The following RASSF3 variants were observed in gnomAD, a reference collection of about 807,000 sequenced individuals.
RASSF3 encodes ras association domain-containing protein 3.
RASSF3 carries 19 observed loss-of-function variants against 19.9 expected under a neutral mutation model. The observed-to-expected ratio is 0.96, with a 90% CI of 0.67 to 1.40. The LOEUF (loss-of-function observed/expected upper bound fraction) is 1.40. Among genes scored for constraint, RASSF3 ranks in the 40% most tolerant of loss-of-function variants. The probability of loss-of-function intolerance (pLI) is 0.00; values close to 1 mark genes in which losing one functional copy is unlikely to be tolerated. For synonymous variants in RASSF3, 110 were observed against 104.2 expected, an observed-to-expected ratio of 1.06 and a Z score of -0.34; for missense variants, 306 against 289.8, an observed-to-expected ratio of 1.06 and a Z score of -0.41.
At chr12:64,637,576 T>C (rs1202902334) in intron 1 of RASSF3, among the ~76,000 whole-genome samples, 1 of 151,750 alleles carries the variant, frequency 6.6e-6, no homozygotes, top group African/African-American at 2.4e-5. Context: ...ATGGCAGGCG[T>C]GTGCCACCAT....
chr12:64,551,324 C>CA (rs1355875345), intron 2 of RASSF3, among the ~76,000 whole-genome samples: 2 of 152,120 alleles, frequency 1.3e-5, no homozygotes, highest in African/African-American at 4.8e-5. Flanking sequence ...CCTGTAATCC[C>CA]AGCACTTTGG....
chr12:64,590,375 A>G (rs1869899473), intron 2 of RASSF3, among the ~76,000 whole-genome samples: 3 of 152,206 alleles, frequency 2.0e-5, no homozygotes, highest in South Asian at 4.1e-4. Context: ...AAAACATTCA[A>G]TAACCACTGT....
rs962552046 is a variant in RASSF3, at chr12:64,641,518, G to A, written c.111+30775G>A. 8.7e-5 allele frequency among the ~76,000 whole-genome samples: 13 copies of A among 149,958 alleles called. No homozygotes were observed. In the South Asian group the frequency reaches 2.8e-3, roughly 32 times the overall value. ...TTTGAGAAAGTAACTGACTCCAGCTGGGGGTGGTGGCTCATGCCTGTAATC... is the reference window on the plus strand; with the variant it reads ...TTTGAGAAAGTAACTGACTCCAGCTAGGGGTGGTGGCTCATGCCTGTAATC... On this transcript the variant is annotated intron_variant, in intron 1 of 4. Coordinates refer to ENST00000542104, the MANE Select transcript of RASSF3 (RefSeq NM_178169.4).
intron 1 of RASSF3, among the ~76,000 whole-genome samples, chr12:64,633,737 G>T (rs549297411): frequency 1.1e-4 from 16 of 152,174 alleles, no homozygotes; most frequent in Non-Finnish European, 2.4e-4. Flanking sequence ...TTGGCACTGG[G>T]TAATAGGCAG....
chr12:64,683,115 G>A (rs970051248), intron 1 of RASSF3, among the ~76,000 whole-genome samples: 42 of 152,152 alleles, frequency 2.8e-4, no homozygotes, highest in African/African-American at 9.4e-4. Flanking sequence ...CTCATTGTTG[G>A]GAGGATTAAA....
At chr12:64,507,621 A>G (rs1868299957) in intron 1 of RASSF3, 2 of 238,018 alleles carry the variant, frequency 8.4e-6, no homozygotes, top group Non-Finnish European at 1.6e-5. Context: ...AATGTTTAGT[A>G]TTTAAAAACA....
At chr12:64,569,901 AT>A (rs1294300611) in intron 2 of RASSF3, among the ~76,000 whole-genome samples, 1 of 152,138 alleles carries the variant, frequency 6.6e-6, no homozygotes, top group Admixed American at 6.5e-5. Flanking sequence ...GGAGGCGGAG[AT>A]TGCAGTGAGC....
downstream of RASSF3, among the ~76,000 whole-genome samples, chr12:64,543,432 CGCCCCCCCCG>C (rs1868981415): frequency 1.4e-5 from 1 of 71,976 alleles, no homozygotes; most frequent in Non-Finnish European, 2.7e-5. Flanking sequence ...GCTCCCCGCC[CGCCCCCCCCG>C]TGCCCGCCCG....
Position 64,660,704 on chromosome 12 carries a change from A to G in RASSF3, c.112-24083A>G, listed in dbSNP as rs566561397. On this transcript the variant is annotated intron_variant, in intron 1 of 4. Coordinates refer to ENST00000542104, the MANE Select transcript of RASSF3 (RefSeq NM_178169.4). Reference sequence around the variant, plus strand: ...AAATAATGTATACTCAATGCAGAAGACTTGGAAATTGGAAAAAATGGAGGA... The same window carrying G: ...AAATAATGTATACTCAATGCAGAAGGCTTGGAAATTGGAAAAAATGGAGGA... Among the ~76,000 whole-genome samples, 58 of 152,290 alleles carry G rather than the reference A, an allele frequency of 3.8e-4. 1 individual carries two copies. Among genetic ancestry groups the G allele is most frequent in the Admixed American group, 2.8e-3 (43 of 15,288 alleles).
chr12:64,673,464 C>T lies in RASSF3; in HGVS notation c.112-11323C>T, dbSNP rs143414007. On this transcript the variant is annotated intron_variant, in intron 1 of 4. Coordinates refer to ENST00000542104, the MANE Select transcript of RASSF3 (RefSeq NM_178169.4). ...TTGAAAACTTACTGTTGAAAGGGAC[C>T]GTAGTCCAGTGGCCTCTTTTAATAA... Among the ~76,000 whole-genome samples the T allele has an allele frequency of 4.7e-4, 71 of 152,194 alleles. No homozygotes were observed. In the East Asian group the frequency reaches 0.011, roughly 23 times the overall value.
At chr12:64,675,045 GCCCCCCC>G (rs1226885486) in intron 1 of RASSF3, among the ~76,000 whole-genome samples, 2 of 57,490 alleles carry the variant, frequency 3.5e-5, no homozygotes, top group Admixed American at 1.9e-4. Context: ...TACCCACCTA[GCCCCCCC>G]CCCCCCCGCC....
intron 1 of RASSF3, among the ~76,000 whole-genome samples, chr12:64,631,539 GTA>G (rs1415093881): frequency 9.0e-5 from 1 of 11,160 alleles, no homozygotes; most frequent in African/African-American, 1.4e-4. Flanking sequence ...CGTATGTAAT[GTA>G]TGTATGTATG....
chr12:64,520,505 A>T (rs1165197669), intron 1 of RASSF3, among the ~76,000 whole-genome samples: 4 of 140,380 alleles, frequency 2.8e-5, no homozygotes, highest in Middle Eastern at 3.4e-3. Flanking sequence ...TGTGTGTGTG[A>T]GTGTGCGTGC....
chr12:64,662,602 A>T (rs10506536), intron 1 of RASSF3, among the ~76,000 whole-genome samples: 9,725 of 152,172 alleles, frequency 0.064, 1,053 homozygotes, highest in African/African-American at 0.22. Context: ...AAATGCCTAG[A>T]TATATGTTAG....
chr12:64,686,795 C>A (rs1178930168), intron 2 of RASSF3, among the ~76,000 whole-genome samples: 1 of 152,048 alleles, frequency 6.6e-6, no homozygotes, highest in Non-Finnish European at 1.5e-5. Context: ...CCACTGCACT[C>A]CAGCCTGGGT....
At chr12:64,561,628 T>C (rs1869348125) in intron 2 of RASSF3, among the ~76,000 whole-genome samples, 1 of 151,040 alleles carries the variant, frequency 6.6e-6, no homozygotes, top group Admixed American at 6.6e-5. Flanking sequence ...TTCCATAACA[T>C]CAAGAGAGCC....
intron 1 of RASSF3, among the ~76,000 whole-genome samples, chr12:64,673,064 G>T (rs532754419): frequency 1.1e-4 from 17 of 152,076 alleles, no homozygotes; most frequent in African/African-American, 3.6e-4. Flanking sequence ...TCCTTTCTCC[G>T]GAAACTGTCC....
intron 2 of RASSF3, among the ~76,000 whole-genome samples, chr12:64,579,890 CT>C (rs1271494028): frequency 6.6e-6 from 1 of 150,610 alleles, no homozygotes; most frequent in African/African-American, 2.4e-5. Flanking sequence ...TCTTGGCTCA[CT>C]GCAACCTCTG....
intron 1 of RASSF3, among the ~76,000 whole-genome samples, chr12:64,681,866 G>A (rs1490084680): frequency 6.6e-6 from 1 of 152,110 alleles, no homozygotes; most frequent in African/African-American, 2.4e-5. Flanking sequence ...TTAGCTAGGC[G>A]CAGTGGTGCT....
Sources: gnomAD v4.1 joint callset for allele counts (sites outside exome capture counted in the v4.1 genomes callset) on GRCh38, gnomAD v4.1.1 for gene constraint, MANE v1.5 for transcripts, NCBI Gene and HGNC (gene_info 2026-07-23, HGNC 2026-07-21) for gene names.